Variants in MTHFS observed in about 807,000 individuals in gnomAD.
The protein encoded by MTHFS is 5-formyltetrahydrofolate cyclo-ligase.
MTHFS carries 7 observed loss-of-function variants against 12.7 expected under a neutral mutation model. That is an observed-to-expected ratio of 0.55 (90% CI 0.31 to 1.03). The LOEUF (loss-of-function observed/expected upper bound fraction) is 1.03, where lower values mean the gene tolerates loss of function less well. MTHFS is among the 50% of genes least tolerant of loss of function. The pLI is 0.05. For synonymous variants in MTHFS, 100 were observed against 97.1 expected, an observed-to-expected ratio of 1.03 and a Z score of -0.18; for missense variants, 252 against 258.1, an observed-to-expected ratio of 0.98 and a Z score of 0.16.
intron 2 of MTHFS, among the ~76,000 whole-genome samples, chr15:79,875,254 A>T (rs1419655541): frequency 6.6e-6 from 1 of 151,190 alleles, no homozygotes; most frequent in Non-Finnish European, 1.5e-5. Flanking sequence ...AGGGTCCCTG[A>T]CTTCCCGCAA....
chr15:79,864,544 C>CAAAA (rs1566990932), intron 2 of MTHFS, among the ~76,000 whole-genome samples: 7 of 23,694 alleles, frequency 3.0e-4, no homozygotes, highest in African/African-American at 1.4e-3. Flanking sequence ...GACTCCATCT[C>CAAAA]AACAAAAAAA....
intron 2 of MTHFS, among the ~76,000 whole-genome samples, chr15:79,847,409 G>T (rs2033637559): frequency 6.6e-6 from 1 of 152,134 alleles, no homozygotes; most frequent in Admixed American, 6.5e-5. Flanking sequence ...AACAGGATGG[G>T]CACGGTGGCT....
intron 2 of MTHFS, among the ~76,000 whole-genome samples, chr15:79,875,703 A>C (rs548695582): frequency 2.6e-5 from 4 of 152,298 alleles, no homozygotes; most frequent in African/African-American, 9.6e-5. Flanking sequence ...AAGCACAAGT[A>C]GCAAAAAATT....
chr15:79,855,863 C>T (rs2033791831), intron 2 of MTHFS, among the ~76,000 whole-genome samples: 2 of 152,196 alleles, frequency 1.3e-5, no homozygotes, highest in South Asian at 2.1e-4. Context: ...TTTTTTATAA[C>T]TGCATAATAT....
chr15:79,873,399 A>G (rs541841277), intron 2 of MTHFS, among the ~76,000 whole-genome samples: 24 of 152,344 alleles, frequency 1.6e-4, no homozygotes, highest in Non-Finnish European at 3.1e-4. Context: ...ATAATTGCTT[A>G]GCACAGTTTC....
At chr15:79,888,098 C>T (rs1199930315) in intron 2 of MTHFS, among the ~76,000 whole-genome samples, 3 of 152,072 alleles carry the variant, frequency 2.0e-5, no homozygotes, top group Admixed American at 2.0e-4. Context: ...AGGCATTATA[C>T]TAAAAAATAA....
chr15:79,896,733 G>C (rs1596086814), intron 1 of MTHFS, 139 bp downstream of exon 1: 1 of 967,064 alleles, frequency 1.0e-6, no homozygotes, highest in Non-Finnish European at 1.3e-6. Flanking sequence ...CGCGCCGGGA[G>C]GGGAAACGTG....
At chr15:79,880,032 C>T (rs1200851982) in intron 2 of MTHFS, among the ~76,000 whole-genome samples, 1 of 152,102 alleles carries the variant, frequency 6.6e-6, no homozygotes, top group Non-Finnish European at 1.5e-5. Context: ...GATTTGCTGC[C>T]TACTTCATCC....
At chr15:79,860,854 A>G (rs1053336943) in intron 2 of MTHFS, among the ~76,000 whole-genome samples, 4 of 152,226 alleles carry the variant, frequency 2.6e-5, no homozygotes, top group Non-Finnish European at 5.9e-5. Context: ...GACTTATTAA[A>G]AGGGGTATGT....
intron 2 of MTHFS, among the ~76,000 whole-genome samples, chr15:79,855,194 A>G (rs748911532): frequency 6.6e-6 from 1 of 152,240 alleles, no homozygotes; most frequent in African/African-American, 2.4e-5. Context: ...AAAAAAATCT[A>G]TACATCAGCT....
At chr15:79,894,948 T>G (rs1257993774) in intron 1 of MTHFS, among the ~76,000 whole-genome samples, 1 of 152,208 alleles carries the variant, frequency 6.6e-6, no homozygotes, top group Non-Finnish European at 1.5e-5. Context: ...TCCATATTTT[T>G]TTTCTTTCTT....
chr15:79,855,107 T>C (rs1484663373), intron 2 of MTHFS, among the ~76,000 whole-genome samples: 1 of 152,168 alleles, frequency 6.6e-6, no homozygotes, highest in African/African-American at 2.4e-5. Flanking sequence ...GCCCCAGATA[T>C]TTACTATCTG....
rs374174088 is a variant in MTHFS at position 79,889,370 on chromosome 15, T to C, written c.118-16A>G. On this transcript the variant is annotated splice_polypyrimidine_tract_variant and intron_variant, in intron 1 of 2. Coordinates refer to ENST00000258874, the MANE Select transcript of MTHFS (RefSeq NM_006441.4). ...GGGCAATCACCTAAATGGGAAATTA[T>C]GGCAATTATATTTTCCAAGACTATA... is the stretch of plus-strand genomic sequence containing the variant. 3.0e-5 allele frequency: 48 copies of C among 1,608,350 alleles called. No homozygotes were observed. Among genetic ancestry groups the C allele is most frequent in the Non-Finnish European group, 4.0e-5 (47 of 1,176,380 alleles).
chr15:79,893,443 A>T (rs1341063121), intron 1 of MTHFS, among the ~76,000 whole-genome samples: 1 of 151,988 alleles, frequency 6.6e-6, no homozygotes, highest in East Asian at 1.9e-4. Flanking sequence ...TCACGCCTGT[A>T]ATCCCAGTAC....
At position 79,845,153 on chromosome 15, in the gene MTHFS, C is replaced by T; in HGVS notation, c.*57G>A. 1 of 1,588,578 alleles carries T rather than the reference C, an allele frequency of 6.3e-7. No homozygotes were observed. The highest frequency in any genetic ancestry group is 8.6e-7 in the Non-Finnish European group (1 of 1,164,834). ...TAATTTTTGACAAGGGAAAAATACA[C>T]ATACTTTGCTTTACTCTCATATAAA... On this transcript the variant is annotated 3_prime_UTR_variant, in exon 3 of 3. Transcript: ENST00000258874.
chr15:79,885,948 A>T (rs2034375256), intron 2 of MTHFS, among the ~76,000 whole-genome samples: 1 of 152,216 alleles, frequency 6.6e-6, no homozygotes, highest in African/African-American at 2.4e-5. Context: ...GCCCGGTTGA[A>T]TCAGACTATA....
At chr15:79,891,807 A>C (rs1271823670) in intron 1 of MTHFS, among the ~76,000 whole-genome samples, 3 of 152,030 alleles carry the variant, frequency 2.0e-5, no homozygotes, top group African/African-American at 7.2e-5. Context: ...ATCTCTACTA[A>C]ATATACAACA....
In MTHFS at chr15:79,874,911, G is replaced by C. The variant is rs185981020; in HGVS notation, c.379+14182C>G. ...CGCTGTTATCCTGTTCTTTTTTCAA[G>C]GTGCCCAGATTTCATATTGTTTAAA... On this transcript the variant is annotated intron_variant, in intron 2 of 2. Coordinates refer to ENST00000258874, the MANE Select transcript of MTHFS (RefSeq NM_006441.4). Among the ~76,000 whole-genome samples, 104 of 152,098 alleles carry C rather than the reference G, an allele frequency of 6.8e-4. 1 individual carries two copies. The South Asian group carries it at 1.0e-2, about 15-fold the overall frequency.
At chr15:79,883,367 T>G (rs2034328929) in intron 2 of MTHFS, among the ~76,000 whole-genome samples, 1 of 152,228 alleles carries the variant, frequency 6.6e-6, no homozygotes, top group African/African-American at 2.4e-5. Flanking sequence ...AATTCAAAAC[T>G]GTTAGCTTCA....
Sources: gnomAD v4.1 joint callset for allele counts (sites outside exome capture counted in the v4.1 genomes callset) on GRCh38, gnomAD v4.1.1 for gene constraint, MANE v1.5 for transcripts, NCBI Gene and HGNC (gene_info 2026-07-23, HGNC 2026-07-21) for gene names.